The following RBL1 variants were observed in gnomAD, a reference collection of about 807,000 sequenced individuals.
The protein encoded by RBL1 is retinoblastoma-like protein 1.
In RBL1, 82 loss-of-function variants were observed where a neutral mutation model predicts 123.0. That is an observed-to-expected ratio of 0.67 (90% CI 0.56 to 0.80). The LOEUF (loss-of-function observed/expected upper bound fraction) is 0.80, where lower values mean the gene tolerates loss of function less well. RBL1 is among the 30% of genes least tolerant of loss of function. The probability of loss-of-function intolerance (pLI) is 0.00; values close to 1 mark genes in which losing one functional copy is unlikely to be tolerated. For synonymous variants in RBL1, 405 were observed against 441.3 expected (o/e 0.92, Z 1.03); for missense variants, 1,171 against 1,299.6 (o/e 0.90, Z 1.52).
chr20:37,090,029 G>A (rs1389686622), intron 1 of RBL1, among the ~76,000 whole-genome samples: 3 of 152,178 alleles, frequency 2.0e-5, no homozygotes, highest in African/African-American at 7.2e-5. Flanking sequence ...TCTAGCCTGG[G>A]CAACACAGGG....
rs1325674477 is a variant in RBL1, at chr20:37,018,388, G to A, written c.2632-19C>T. 7 of 1,589,618 alleles carry A rather than the reference G, an allele frequency of 4.4e-6. No individual in the cohort carries two copies. Among genetic ancestry groups the A allele is most frequent in the Non-Finnish European group, 6.0e-6 (7 of 1,171,886 alleles). ...TATATACCTACATGCCAGAGGGGAA[G>A]AAAAGGACAGCTCAGTCACAGAGGT... is the stretch of plus-strand genomic sequence containing the variant. On this transcript the variant is annotated intron_variant, in intron 18 of 21. Coordinates refer to ENST00000373664, the MANE Select transcript of RBL1 (RefSeq NM_002895.5).
chr20:37,018,282 A>C lies in RBL1; in HGVS notation c.2719T>G (p.Cys907Gly). 6.2e-7 allele frequency: 1 copy of C among 1,608,462 alleles called. No homozygotes were observed. The highest frequency in any genetic ancestry group is 8.5e-7 in the Non-Finnish European group (1 of 1,178,082). ...TATGTTAAATTGGATAACTTACCACAATCTATCATTTCAAAGTCATCATTT... is the reference window on the plus strand; with the variant it reads ...TATGTTAAATTGGATAACTTACCACCATCTATCATTTCAAAGTCATCATTT... ...NINDDFEMID[C>G]DLEDATKTPD... Residue 907 changes from cysteine to glycine, a missense_variant, in exon 19 of 22, where the codon TGT (cysteine) becomes GGT (glycine). Transcript: ENST00000373664.
intron 19 of RBL1, among the ~76,000 whole-genome samples, chr20:37,009,089 A>T (rs1170324969): frequency 6.6e-6 from 1 of 151,544 alleles, no homozygotes; most frequent in East Asian, 1.9e-4. Context: ...CAGTGGTGCA[A>T]TCTCGGCTCA....
At position 37,061,754 on chromosome 20, in the gene RBL1, C is replaced by G. The variant is rs563439924; in HGVS notation, c.1083+330G>C. ...ATAGTTTGTGTCACGGGTAGGAAAG[C>G]AAACTAAAATTTAAAGCAACGTAAC... On this transcript the variant is annotated intron_variant, in intron 8 of 21. Coordinates refer to ENST00000373664, the MANE Select transcript of RBL1 (RefSeq NM_002895.5). 3.3e-4 allele frequency among the ~76,000 whole-genome samples: 50 copies of G among 152,202 alleles called. 1 individual carries two copies. The highest frequency in any genetic ancestry group is 1.2e-3 in the African/African-American group (49 of 41,536).
chr20:37,062,059 T>C (rs2065103632), intron 8 of RBL1, 25 bp downstream of exon 8: 22 of 1,583,048 alleles, frequency 1.4e-5, no homozygotes, highest in Non-Finnish European at 1.9e-5. Flanking sequence ...TCATTCAAGA[T>C]TGAGGCCAGG....
intron 7 of RBL1, among the ~76,000 whole-genome samples, chr20:37,063,136 G>GGCCC (rs1291635916): frequency 1.3e-5 from 2 of 152,112 alleles, no homozygotes. Flanking sequence ...GGAATGCAGT[G>GGCCC]GCCCAGTCTT....
At chr20:36,999,741 G>A (rs1309576008) in intron 21 of RBL1, among the ~76,000 whole-genome samples, 1 of 152,254 alleles carries the variant, frequency 6.6e-6, no homozygotes, top group Non-Finnish European at 1.5e-5. Context: ...TGATCCGCCA[G>A]CCTCGGCCTC....
chr20:37,033,054 G>C (rs970980429), intron 15 of RBL1, among the ~76,000 whole-genome samples, 178 bp from the exon 16 acceptor site: 1 of 147,494 alleles, frequency 6.8e-6, no homozygotes, highest in Non-Finnish European at 1.5e-5. Context: ...GTCTCACTTG[G>C]TCACTCAGGC....
intron 2 of RBL1, among the ~76,000 whole-genome samples, chr20:37,069,846 G>T (rs1399985687): frequency 1.3e-5 from 2 of 149,264 alleles, no homozygotes; most frequent in Admixed American, 6.6e-5. Flanking sequence ...GGAGGGAGGT[G>T]GGGGGGTCAG....
intron 9 of RBL1, 107 bp downstream of exon 9, chr20:37,060,996 C>T (rs2146293819): frequency 3.3e-6 from 4 of 1,219,248 alleles, no homozygotes; most frequent in Non-Finnish European, 4.4e-6. Context: ...TAAAACTTGC[C>T]AGATGAACAT....
intron 6 of RBL1, 87 bp from the exon 7 acceptor site, chr20:37,065,560 T>C: frequency 1.2e-6 from 1 of 834,710 alleles, no homozygotes; most frequent in African/African-American, 1.7e-5. Context: ...ATTTCCATAT[T>C]GTTATAACAC....
chr20:37,077,393 G>A (rs569968955), intron 2 of RBL1, among the ~76,000 whole-genome samples: 1 of 152,230 alleles, frequency 6.6e-6, no homozygotes, highest in South Asian at 2.1e-4. Flanking sequence ...TAGATTGGTG[G>A]ACTTTTAGTA....
rs184635969 is a variant in RBL1 at position 36,996,991 on chromosome 20, C to T, written c.*1768G>A. ...AATTCTTGAGAATACTAATTAGTGA[C>T]GGCCAAATCTTAGACTATTTTAAAT... On this transcript the variant is annotated 3_prime_UTR_variant, in exon 22 of 22. Transcript: ENST00000373664. The T allele has an allele frequency of 3.3e-5, 5 of 152,236 alleles. No individual in the cohort carries two copies. Among genetic ancestry groups the T allele is most frequent in the African/African-American group, 9.6e-5 (4 of 41,548 alleles). 9.4% of individuals were successfully genotyped at this position (152,236 alleles called of 1,614,324 possible). A position where few individuals can be genotyped will look rare whatever the true frequency, so the allele number is the denominator to read the frequency against.
intron 16 of RBL1, among the ~76,000 whole-genome samples, chr20:37,030,164 T>G (rs991946521): frequency 2.0e-5 from 3 of 152,228 alleles, no homozygotes; most frequent in Non-Finnish European, 4.4e-5. Context: ...GTTGGAGGTC[T>G]CACACCTCCT....
chr20:37,015,719 C>T (rs556675460), intron 19 of RBL1, among the ~76,000 whole-genome samples: 45 of 150,046 alleles, frequency 3.0e-4, no homozygotes, highest in Non-Finnish European at 4.4e-4. Context: ...CGTGAGCCAC[C>T]GCACCCGGGC....
intron 2 of RBL1, among the ~76,000 whole-genome samples, chr20:37,082,417 T>C (rs6103534): frequency 0.29 from 44,564 of 151,842 alleles, 7,927 homozygotes; most frequent in African/African-American, 0.5. Flanking sequence ...AACTTAAAAA[T>C]TGTCAACTTT....
Position 37,035,332 on chromosome 20 carries a change from C to A in RBL1, c.2080G>T (p.Val694Leu). 1.2e-6 allele frequency: 2 copies of A among 1,614,066 alleles called. No individual in the cohort carries two copies. The highest frequency in any genetic ancestry group is 1.7e-6 in the Non-Finnish European group (2 of 1,179,970). ...AGAGTTTGACCAGGTAAAATTGATA[C>A]ATTTTCAGCAGTAATGCTTGAAGAA... ...APSSSITAENVSILPGQTLLT... is the reference protein window; with the variant it reads ...APSSSITAENLSILPGQTLLT... Residue 694 changes from valine to leucine, a missense_variant, in exon 15 of 22, where the codon GTA becomes TTA. Transcript: ENST00000373664.
At chr20:37,005,435 G>A (rs1433732415) in intron 20 of RBL1, among the ~76,000 whole-genome samples, 3 of 150,976 alleles carry the variant, frequency 2.0e-5, no homozygotes, top group African/African-American at 7.3e-5. Context: ...TAGGGACAAA[G>A]AGTAACCAAT....
intron 21 of RBL1, among the ~76,000 whole-genome samples, chr20:37,001,771 G>GAAAAAAAAAAAAAAAGA (rs2063984822): frequency 1.8e-5 from 2 of 109,604 alleles, no homozygotes; most frequent in Admixed American, 9.4e-5. Context: ...AAAAAAAATG[G>GAAAAAAAAAAAAAAAGA]AAAAAAAAAA....
Sources: gnomAD v4.1 joint callset for allele counts (sites outside exome capture counted in the v4.1 genomes callset) on GRCh38, gnomAD v4.1.1 for gene constraint, MANE v1.5 for transcripts, NCBI Gene and HGNC (gene_info 2026-07-23, HGNC 2026-07-21) for gene names.